GALNT13: variants seen among roughly 807,000 people sequenced by gnomAD.
GALNT13 encodes the protein UDP-GalNAc:polypeptide N-acetylgalactosaminyltransferase 13.
In GALNT13, 28 loss-of-function variants were observed where a neutral mutation model predicts 64.2. The observed-to-expected ratio is 0.44, with a 90% CI of 0.32 to 0.60. The LOEUF (loss-of-function observed/expected upper bound fraction) is 0.60. Among genes scored for constraint, GALNT13 ranks in the 20% least tolerant of loss-of-function variants. The pLI is 0.05. For synonymous variants in GALNT13, 214 were observed against 224.6 expected (o/e 0.95, Z 0.42); for missense variants, 577 against 669.8 (o/e 0.86, Z 1.53).
intron 12 of GALNT13, chr2:154,446,473 T>C (rs1172656493): frequency 3.1e-5 from 40 of 1,285,028 alleles, no homozygotes; most frequent in Non-Finnish European, 3.8e-5. Context: ...CTTCCATCTT[T>C]ATCCAGTAGA....
chr2:154,396,178 G>A (rs747300424), intron 10 of GALNT13, 48 bp downstream of exon 10: 3 of 1,345,552 alleles, frequency 2.2e-6, no homozygotes, highest in Non-Finnish European at 3.0e-6. Context: ...TTTGCAAATG[G>A]AGCAATTTCT....
chr2:153,655,483 A>T, the GALNT13 span, among the ~76,000 whole-genome samples: 1 of 152,088 alleles, frequency 6.6e-6, no homozygotes. Context: ...AAAATGAGAG[A>T]TACATGTATT....
the GALNT13 span, among the ~76,000 whole-genome samples, chr2:153,754,470 A>G: frequency 1.3e-5 from 2 of 152,106 alleles, no homozygotes; most frequent in Non-Finnish European, 2.9e-5. Context: ...GAGTGTCTGG[A>G]AAAGTTGCAC....
At chr2:153,436,327 A>G in the GALNT13 span, among the ~76,000 whole-genome samples, 1 of 152,138 alleles carries the variant, frequency 6.6e-6, no homozygotes, top group Non-Finnish European at 1.5e-5. Flanking sequence ...TGGTATCAGG[A>G]TGATGCTGGC....
At chr2:153,162,040 G>A in the GALNT13 span, among the ~76,000 whole-genome samples, 1 of 152,154 alleles carries the variant, frequency 6.6e-6, no homozygotes, top group South Asian at 2.1e-4. Context: ...CTGAAGGCGT[G>A]AATGCACCCC....
At chr2:154,187,445 G>C (rs888805575) in intron 4 of GALNT13, among the ~76,000 whole-genome samples, 1 of 150,316 alleles carries the variant, frequency 6.7e-6, no homozygotes, top group Non-Finnish European at 1.5e-5. Flanking sequence ...ACCTCAGGTG[G>C]AATCCACTCT....
At chr2:153,072,399 C>G in the GALNT13 span, among the ~76,000 whole-genome samples, 2 of 152,198 alleles carry the variant, frequency 1.3e-5, no homozygotes, top group East Asian at 1.9e-4. Flanking sequence ...ACCAACTACA[C>G]AGATCATTCT....
At chr2:153,648,948 A>G in the GALNT13 span, among the ~76,000 whole-genome samples, 1 of 152,086 alleles carries the variant, frequency 6.6e-6, no homozygotes, top group Non-Finnish European at 1.5e-5. Context: ...TGTCTCTGCC[A>G]GGCTTTGGTA....
At chr2:154,390,705 A>G (rs941991101) in intron 9 of GALNT13, among the ~76,000 whole-genome samples, 1 of 152,192 alleles carries the variant, frequency 6.6e-6, no homozygotes, top group African/African-American at 2.4e-5. Context: ...TTTATCATTT[A>G]CCTATTAATG....
intron 4 of GALNT13, among the ~76,000 whole-genome samples, chr2:154,219,836 A>G (rs1475064873): frequency 2.0e-5 from 3 of 152,092 alleles, no homozygotes; most frequent in Non-Finnish European, 4.4e-5. Context: ...TATGATTTGC[A>G]GAAGCTTTAA....
At chr2:153,392,353 A>C in the GALNT13 span, among the ~76,000 whole-genome samples, 7 of 151,970 alleles carry the variant, frequency 4.6e-5, no homozygotes, top group Non-Finnish European at 5.9e-5. Flanking sequence ...ACCCCACAAA[A>C]AAACAAGTCA....
At chr2:154,156,225 A>G (rs1405373763) in intron 4 of GALNT13, among the ~76,000 whole-genome samples, 1 of 152,034 alleles carries the variant, frequency 6.6e-6, no homozygotes, top group Non-Finnish European at 1.5e-5. Context: ...TTTTATCATC[A>G]TACTATATAA....
At chr2:153,543,721 A>AC in the GALNT13 span, among the ~76,000 whole-genome samples, 1 of 152,208 alleles carries the variant, frequency 6.6e-6, no homozygotes. Flanking sequence ...AGTACAAGAA[A>AC]CCGTCTTCCT....
At chr2:153,716,849 C>G in the GALNT13 span, among the ~76,000 whole-genome samples, 1 of 152,042 alleles carries the variant, frequency 6.6e-6, no homozygotes, top group African/African-American at 2.4e-5. Flanking sequence ...TAAAGCAAAC[C>G]TAATGGAAAG....
At chr2:153,209,990 G>A in the GALNT13 span, among the ~76,000 whole-genome samples, 1 of 151,838 alleles carries the variant, frequency 6.6e-6, no homozygotes, top group Non-Finnish European at 1.5e-5. Context: ...AATTATATTT[G>A]AATACAATTG....
At chr2:154,291,279 T>TC in intron 8 of GALNT13, among the ~76,000 whole-genome samples, 1 of 152,100 alleles carries the variant, frequency 6.6e-6, no homozygotes, top group Non-Finnish European at 1.5e-5. Context: ...ACAAAATTTC[T>TC]CCAAGTCCCC....
the GALNT13 span, among the ~76,000 whole-genome samples, chr2:153,453,655 TA>T: frequency 4.6e-5 from 7 of 152,206 alleles, no homozygotes; most frequent in Non-Finnish European, 1.0e-4. Context: ...AGAATAGTTT[TA>T]CACTGTTGGA....
intron 8 of GALNT13, among the ~76,000 whole-genome samples, chr2:154,268,112 A>G (rs1033712896): frequency 3.3e-5 from 5 of 152,216 alleles, no homozygotes; most frequent in African/African-American, 1.2e-4. Context: ...AGGAAAATGT[A>G]TATTCATACA....
the GALNT13 span, among the ~76,000 whole-genome samples, chr2:153,709,775 GTA>G: frequency 6.6e-6 from 1 of 151,308 alleles, no homozygotes; most frequent in African/African-American, 2.4e-5. Flanking sequence ...AGAAAATGTG[GTA>G]TATATATATA....
Sources: allele counts gnomAD v4.1 joint callset (sites outside exome capture counted in the v4.1 genomes callset), GRCh38; gene constraint gnomAD v4.1.1; transcripts MANE v1.5; gene names NCBI Gene and HGNC (gene_info 2026-07-23, HGNC 2026-07-21).